Variants in NIPBL observed in about 807,000 individuals in gnomAD.
The protein encoded by NIPBL is NIPBL cohesin loading factor, also known as nipped-B-like protein.
In NIPBL, 19 loss-of-function variants were observed where a neutral mutation model predicts 321.8. The observed-to-expected ratio is 0.06, with a 90% CI of 0.04 to 0.09. The LOEUF (loss-of-function observed/expected upper bound fraction) is 0.09. NIPBL is among the 10% of genes least tolerant of loss of function. NIPBL has a pLI of 1.00. For missense variants in NIPBL, 2,210 were observed against 3,327.0 expected (o/e 0.66, Z 8.26); for synonymous variants, 1,106 against 1,114.1 (o/e 0.99, Z 0.14).
chr5:36,902,049 A>G (rs955994486), intron 1 of NIPBL, among the ~76,000 whole-genome samples: 1 of 149,870 alleles, frequency 6.7e-6, no homozygotes, highest in African/African-American at 2.5e-5. Flanking sequence ...GGCGGTATGT[A>G]TGTTTTCTTT....
At chr5:36,942,012 G>A (rs1739114506) in intron 1 of NIPBL, among the ~76,000 whole-genome samples, 1 of 152,146 alleles carries the variant, frequency 6.6e-6, no homozygotes, top group Admixed American at 6.6e-5. Flanking sequence ...TGTAGGTAAT[G>A]AGTCACAAGT....
At chr5:36,910,787 A>G (rs1163502200) in intron 1 of NIPBL, among the ~76,000 whole-genome samples, 2 of 152,194 alleles carry the variant, frequency 1.3e-5, no homozygotes, top group Non-Finnish European at 2.9e-5. Context: ...TAATTATATA[A>G]GCTTGCATAC....
rs538225665 is a variant in NIPBL at position 36,984,642 on chromosome 5, A to G, written c.1496-34A>G. The stretch of plus-strand genomic sequence containing the variant: ...TTTAATAAGATAAGAATACATGTCT[A>G]TTACTGATATTGATATTTATCTTTA... On this transcript the variant is annotated intron_variant, in intron 9 of 46. Transcript: ENST00000282516. 6 of 1,555,934 alleles carry G rather than the reference A, an allele frequency of 3.9e-6. No homozygotes were observed. The African/African-American group carries it at 4.1e-5, about 11-fold the overall frequency.
intron 1 of NIPBL, among the ~76,000 whole-genome samples, chr5:36,882,541 G>A (rs149310509): frequency 3.3e-5 from 5 of 152,058 alleles, no homozygotes; most frequent in Admixed American, 2.0e-4. Flanking sequence ...CCACGATACT[G>A]TGTATCATGA....
chr5:36,936,322 C>T (rs1415767563), intron 1 of NIPBL, among the ~76,000 whole-genome samples: 1 of 152,056 alleles, frequency 6.6e-6, no homozygotes, highest in Admixed American at 6.6e-5. Context: ...ACCTACAGGT[C>T]CTACAGGATT....
At chr5:37,050,726 A>G (rs1753448647) in intron 40 of NIPBL, among the ~76,000 whole-genome samples, 1 of 152,198 alleles carries the variant, frequency 6.6e-6, no homozygotes, top group African/African-American at 2.4e-5. Context: ...AAACCGTAAT[A>G]TAATCATTAA....
intron 1 of NIPBL, among the ~76,000 whole-genome samples, chr5:36,924,703 C>T (rs1004870217): frequency 3.3e-5 from 5 of 152,140 alleles, no homozygotes; most frequent in African/African-American, 1.2e-4. Context: ...ACATAGCTGA[C>T]ACTAACTGCT....
At chr5:37,011,949 A>G (rs1275303904) in intron 21 of NIPBL, among the ~76,000 whole-genome samples, 1 of 152,052 alleles carries the variant, frequency 6.6e-6, no homozygotes, top group African/African-American at 2.4e-5. Context: ...GAAGTTGTCA[A>G]TTTGCTTACT....
At chr5:36,881,492 T>C (rs572384128) in intron 1 of NIPBL, among the ~76,000 whole-genome samples, 37 of 152,056 alleles carry the variant, frequency 2.4e-4, no homozygotes, top group African/African-American at 8.4e-4. Context: ...TAATATCTCA[T>C]TTAATCTTTT....
At position 37,014,763 on chromosome 5, in the gene NIPBL, A is replaced by G; in HGVS notation, c.4641A>G (p.Lys1547=). Residue 1547 remains lysine, a splice_region_variant and synonymous_variant, in exon 22 of 47, where the codon AAA becomes AAG. Transcript: ENST00000282516. ...TAQNFLSIFL[K]KCGSKQGEED... ...AAAACTTCCTCTCCATCTTCCTTAA[A>G]AAGTGAGTAAAATTAATATAAATCT... 1.3e-6 allele frequency: 2 copies of G among 1,558,430 alleles called. No individual in the cohort carries two copies. Among genetic ancestry groups the G allele is most frequent in the Middle Eastern group, 1.7e-4 (1 of 5,976 alleles).
Position 37,024,614 on chromosome 5 carries a change from A to G in NIPBL, c.5604A>G (p.Val1868=). 6.2e-7 allele frequency: 1 copy of G among 1,607,136 alleles called. No homozygotes were observed. The change falls in exon 30 of 47, where the codon GTA becomes GTG. Residue 1868 remains valine, a synonymous_variant. Transcript: ENST00000282516. ...LDTGISVRKR[V]IKILRDICIE... ...CTGGTATCAGTGTCAGGAAAAGAGTAATAAAGATTCTCAGAGACATTTGTA... is the reference window on the plus strand; with the variant it reads ...CTGGTATCAGTGTCAGGAAAAGAGTGATAAAGATTCTCAGAGACATTTGTA...
chr5:37,035,282 C>G (rs181992828), intron 32 of NIPBL, among the ~76,000 whole-genome samples: 35 of 152,320 alleles, frequency 2.3e-4, no homozygotes, highest in Non-Finnish European at 3.7e-4. Context: ...AAAGACCAAA[C>G]TAGAATGTGA....
chr5:37,057,007 C>G (rs922030184), intron 42 of NIPBL, among the ~76,000 whole-genome samples, 179 bp from the exon 43 acceptor site: 7 of 151,524 alleles, frequency 4.6e-5, no homozygotes, highest in Admixed American at 1.3e-4. Context: ...CTATATTTCT[C>G]TCCCTCCTCC....
intron 1 of NIPBL, among the ~76,000 whole-genome samples, chr5:36,931,467 GCCACCAT>G (rs1173791205): frequency 7.9e-5 from 12 of 152,052 alleles, no homozygotes; most frequent in Non-Finnish European, 1.6e-4. Flanking sequence ...ACAGGTGCAT[GCCACCAT>G]GCCTGGCTAA....
intron 1 of NIPBL, among the ~76,000 whole-genome samples, chr5:36,925,408 A>C (rs780575316): frequency 6.6e-5 from 10 of 151,706 alleles, no homozygotes; most frequent in Admixed American, 3.9e-4. Context: ...AGCTGGGATT[A>C]CAGGCATGTA....
Position 36,970,997 on chromosome 5 carries a change from T to C in NIPBL, c.732T>C (p.Ser244=), listed in dbSNP as rs1041133270. Residue 244 remains serine (S), a synonymous_variant, in exon 7 of 47, where the codon AGT becomes AGC. Coordinates refer to ENST00000282516, the MANE Select transcript of NIPBL (RefSeq NM_133433.4). ...HHADNPRHGS[S]EDYLHMVHRL... ...CTGATAATCCTAGACATGGTTCAAG[T>C]GAGGACTACCTACACATGGTGCACA... The C allele has an allele frequency of 6.8e-6, 11 of 1,613,568 alleles. No individual in the cohort carries two copies. In the Admixed American group the frequency reaches 8.3e-5, roughly 12 times the overall value.
At chr5:36,982,531 A>G (rs373637390) in intron 9 of NIPBL, among the ~76,000 whole-genome samples, 3 of 151,936 alleles carry the variant, frequency 2.0e-5, no homozygotes, top group African/African-American at 4.8e-5. Context: ...AGCATTTTGT[A>G]TATACTGAAA....
chr5:36,938,927 CAG>C (rs1738762753), intron 1 of NIPBL, among the ~76,000 whole-genome samples: 1 of 152,096 alleles, frequency 6.6e-6, no homozygotes, highest in Non-Finnish European at 1.5e-5. Context: ...TTATGTGTAA[CAG>C]TACCACACTC....
At chr5:37,035,323 A>C (rs1036913647) in intron 32 of NIPBL, among the ~76,000 whole-genome samples, 2 of 152,188 alleles carry the variant, frequency 1.3e-5, no homozygotes, top group Admixed American at 1.3e-4. Context: ...AAATTAGAGA[A>C]TGGGGCAGGA....
Sources: allele counts gnomAD v4.1 joint callset (sites outside exome capture counted in the v4.1 genomes callset), GRCh38; gene constraint gnomAD v4.1.1; transcripts MANE v1.5; gene names NCBI Gene and HGNC (gene_info 2026-07-23, HGNC 2026-07-21).